Variants in CALN1 observed in about 807,000 individuals in gnomAD.
CALN1 encodes calneuron 1.
A neutral mutation model predicts 30.6 loss-of-function variants in CALN1; 17 were observed. That is an observed-to-expected ratio of 0.56 (90% CI 0.38 to 0.83). CALN1 has a LOEUF of 0.83. CALN1 is among the 40% of genes least tolerant of loss of function. The probability of loss-of-function intolerance (pLI) is 0.00; values close to 1 mark genes in which losing one functional copy is unlikely to be tolerated. For synonymous variants in CALN1, 156 were observed against 131.4 expected, an observed-to-expected ratio of 1.19 and a Z score of -1.28; for missense variants, 291 against 354.9, an observed-to-expected ratio of 0.82 and a Z score of 1.45.
At chr7:71,852,053 T>A (rs904358357) in intron 5 of CALN1, among the ~76,000 whole-genome samples, 2 of 152,110 alleles carry the variant, frequency 1.3e-5, no homozygotes, top group East Asian at 3.9e-4. Context: ...GAAGGCAGAA[T>A]CCTCAGAGCC....
intron 3 of CALN1, among the ~76,000 whole-genome samples, chr7:72,181,756 T>G (rs1188803278): frequency 6.6e-6 from 1 of 152,222 alleles, no homozygotes; most frequent in African/African-American, 2.4e-5. Flanking sequence ...ATTACGGGCA[T>G]GAGCCACCAC....
chr7:72,448,812 G>A (rs1422236790), upstream of CALN1, among the ~76,000 whole-genome samples: 2 of 152,040 alleles, frequency 1.3e-5, no homozygotes, highest in Non-Finnish European at 2.9e-5. Flanking sequence ...TCACCATGTT[G>A]GCCAGGCTGG....
chr7:72,158,541 T>G (rs773580452), intron 3 of CALN1, among the ~76,000 whole-genome samples: 9 of 152,158 alleles, frequency 5.9e-5, no homozygotes, highest in Non-Finnish European at 1.2e-4. Context: ...TTAGCTACAG[T>G]GTGGAGAAGT....
chr7:72,347,833 T>C (rs900690817), intron 2 of CALN1, among the ~76,000 whole-genome samples: 22 of 152,156 alleles, frequency 1.4e-4, no homozygotes, highest in African/African-American at 5.3e-4. Flanking sequence ...GTTTTTGCCA[T>C]TGAAAGTAAT....
intron 1 of CALN1, among the ~76,000 whole-genome samples, chr7:72,419,039 G>A (rs1322305455): frequency 6.6e-6 from 1 of 151,908 alleles, no homozygotes; most frequent in Non-Finnish European, 1.5e-5. Flanking sequence ...TTGGTTTGGC[G>A]GACCTCTACC....
At chr7:72,410,109 C>T (rs1037884285) in intron 1 of CALN1, among the ~76,000 whole-genome samples, 2 of 152,076 alleles carry the variant, frequency 1.3e-5, no homozygotes, top group Non-Finnish European at 2.9e-5. Context: ...TAATGGGGTA[C>T]GAGTTGCTGA....
At chr7:72,344,871 CAT>C (rs1342743482) in intron 2 of CALN1, among the ~76,000 whole-genome samples, 2 of 146,552 alleles carry the variant, frequency 1.4e-5, no homozygotes, top group East Asian at 1.9e-4. Flanking sequence ...TTATATAACA[CAT>C]AAATATATAA....
At chr7:72,319,921 T>C (rs1041664326) in intron 2 of CALN1, among the ~76,000 whole-genome samples, 3 of 152,082 alleles carry the variant, frequency 2.0e-5, no homozygotes, top group African/African-American at 4.8e-5. Flanking sequence ...ATTCGGGCGA[T>C]GGTTACACTA....
intron 2 of CALN1, among the ~76,000 whole-genome samples, chr7:72,353,485 T>A (rs947203995): frequency 6.6e-6 from 1 of 152,138 alleles, no homozygotes; most frequent in Non-Finnish European, 1.5e-5. Flanking sequence ...ATTACAATCA[T>A]CCTAATGCAT....
chr7:71,929,062 C>T (rs1414198375), intron 5 of CALN1, among the ~76,000 whole-genome samples: 1 of 152,064 alleles, frequency 6.6e-6, no homozygotes, highest in Non-Finnish European at 1.5e-5. Context: ...TGGCTACTTC[C>T]ACTTAGCATA....
intron 5 of CALN1, among the ~76,000 whole-genome samples, chr7:71,959,020 C>A (rs1717769073): frequency 6.6e-6 from 1 of 152,186 alleles, no homozygotes; most frequent in Non-Finnish European, 1.5e-5. Context: ...TTTTGGGTCA[C>A]TTGTTAGTTA....
chr7:71,963,478 T>C (rs1797361051), intron 5 of CALN1, among the ~76,000 whole-genome samples: 1 of 152,210 alleles, frequency 6.6e-6, no homozygotes, highest in East Asian at 1.9e-4. Context: ...CTCATGTTTG[T>C]ATTTTTAGTA....
rs1362880310 is a variant in CALN1, at chr7:72,214,732, C to A, written c.244+63954G>T. Among the ~76,000 whole-genome samples, 8 of 151,952 alleles carry A rather than the reference C, an allele frequency of 5.3e-5. No individual in the cohort carries two copies. In the East Asian group the frequency reaches 1.5e-3, roughly 29 times the overall value. On this transcript the variant is annotated intron_variant, in intron 3 of 6. Transcript: ENST00000395275. ...GTGAGTGAGGGGTGCAGAAGTGAAG[C>A]TTCATATCTGTATTTACAGCCACTC...
chr7:72,457,009 T>C, the CALN1 span, among the ~76,000 whole-genome samples: 212 of 144,026 alleles, frequency 1.5e-3, no homozygotes, highest in African/African-American at 4.8e-3. Flanking sequence ...TCTTTCTTTT[T>C]TTTTTTTTTT....
chr7:72,253,445 GC>G (rs1259324119), intron 3 of CALN1, among the ~76,000 whole-genome samples: 4 of 152,202 alleles, frequency 2.6e-5, no homozygotes, highest in Non-Finnish European at 4.4e-5. Context: ...ATAAAGGAAA[GC>G]AGTTTACTTG....
At chr7:72,341,741 G>C (rs1332642286) in intron 2 of CALN1, among the ~76,000 whole-genome samples, 2 of 152,176 alleles carry the variant, frequency 1.3e-5, no homozygotes, top group Admixed American at 6.5e-5. Flanking sequence ...GGGATAATCA[G>C]AGTGTCTATT....
chr7:72,275,658 C>T (rs959752441), intron 3 of CALN1, among the ~76,000 whole-genome samples: 2 of 152,130 alleles, frequency 1.3e-5, no homozygotes, highest in Non-Finnish European at 2.9e-5. Flanking sequence ...TTTATAAAGC[C>T]CCCACTTCAC....
intron 4 of CALN1, among the ~76,000 whole-genome samples, chr7:72,082,999 G>A (rs529705572): frequency 2.0e-5 from 3 of 152,102 alleles, no homozygotes; most frequent in Admixed American, 6.5e-5. Context: ...TCAGGAGTTC[G>A]AGACCAGCCT....
At chr7:71,902,260 C>T (rs1584478538) in intron 5 of CALN1, among the ~76,000 whole-genome samples, 1 of 144,400 alleles carries the variant, frequency 6.9e-6, no homozygotes. Context: ...AACCAACCAA[C>T]CAACCAATCA....
Sources: allele counts gnomAD v4.1 joint callset (sites outside exome capture counted in the v4.1 genomes callset), GRCh38; gene constraint gnomAD v4.1.1; transcripts MANE v1.5; gene names NCBI Gene and HGNC (gene_info 2026-07-23, HGNC 2026-07-21).